Variants in SPATA13 observed in about 807,000 individuals in gnomAD.
The protein encoded by SPATA13 is spermatogenesis associated 13.
SPATA13 carries 50 observed loss-of-function variants against 104.0 expected under a neutral mutation model. That is an observed-to-expected ratio of 0.48 (90% confidence interval 0.38 to 0.61). The LOEUF is 0.61. Ranked by LOEUF, SPATA13 falls within the 20% of genes least tolerant of loss-of-function variation. The pLI is 0.00. For missense variants in SPATA13, 1,524 were observed against 1,690.6 expected, an observed-to-expected ratio of 0.90 and a Z score of 1.73; for synonymous variants, 606 against 667.5, an observed-to-expected ratio of 0.91 and a Z score of 1.42.
In SPATA13 at chr13:24,088,392, T is replaced by A. The variant is rs1343623276; in HGVS notation, c.-112+70691T>A. Among the ~76,000 whole-genome samples, 1 of 152,104 alleles carries A rather than the reference T, an allele frequency of 6.6e-6. No individual in the cohort carries two copies. The highest frequency in any genetic ancestry group is 2.4e-5 in the African/African-American group (1 of 41,416). ...AAGTTCTGAACCCTGCACTCCATGC[T>A]CCAGTGTGGAGCCGCAGTTTCCTTT... On this transcript the variant is annotated intron_variant, in intron 3 of 14. Coordinates refer to the SPATA13 transcript ENST00000424834. This position sits in a 1 kb window ranked among gnomAD's most constrained non-coding sequence, Gnocchi z 4.3.
chr13:24,240,979 G>C (rs1872803955), intron 2 of SPATA13, among the ~76,000 whole-genome samples: 1 of 144,588 alleles, frequency 6.9e-6, no homozygotes, highest in African/African-American at 2.6e-5. Context: ...GGTTATGATA[G>C]TTGCTTCTTT....
intron 4 of SPATA13, among the ~76,000 whole-genome samples, chr13:24,274,053 C>T (rs1400553288): frequency 6.6e-6 from 1 of 152,080 alleles, no homozygotes; most frequent in African/African-American, 2.4e-5. Context: ...GAAAGTTGCT[C>T]CAGGCGGAGA....
chr13:24,237,310 C>CCGAG, intron 2 of SPATA13, among the ~76,000 whole-genome samples: 1 of 152,186 alleles, frequency 6.6e-6, no homozygotes. Flanking sequence ...TTGCAGTGAG[C>CCGAG]CGAGATTGCA....
chr13:23,999,395 T>C (rs986431004), intron 2 of SPATA13, among the ~76,000 whole-genome samples: 22 of 61,372 alleles, frequency 3.6e-4, no homozygotes, highest in African/African-American at 1.2e-3. Flanking sequence ...AAAAAGCCTG[T>C]TCGGATATTG....
chr13:24,293,554 G>A (rs1240650244), intron 9 of SPATA13, among the ~76,000 whole-genome samples: 1 of 152,158 alleles, frequency 6.6e-6, no homozygotes, highest in East Asian at 1.9e-4. Context: ...ATAAAAATTA[G>A]TTGACATGAC....
chr13:24,040,393 A>G (rs974903237), intron 3 of SPATA13, among the ~76,000 whole-genome samples: 3 of 152,186 alleles, frequency 2.0e-5, no homozygotes, highest in East Asian at 1.9e-4. Context: ...GCATCTGTCT[A>G]TATGTTTTTA....
At chr13:24,083,739 T>C (rs1879622579) in intron 3 of SPATA13, among the ~76,000 whole-genome samples, 1 of 152,218 alleles carries the variant, frequency 6.6e-6, no homozygotes, top group African/African-American at 2.4e-5. Context: ...AAGACTGCAC[T>C]TGCTGGTTTG....
At chr13:24,144,303 G>A (rs1033326523) in intron 3 of SPATA13, among the ~76,000 whole-genome samples, 14 of 152,112 alleles carry the variant, frequency 9.2e-5, no homozygotes, top group Admixed American at 2.0e-4. Flanking sequence ...GGGCGAGAGC[G>A]GGTACTCATC....
chr13:24,177,538 G>A (rs1251452163), intron 1 of SPATA13, among the ~76,000 whole-genome samples: 4 of 152,086 alleles, frequency 2.6e-5, no homozygotes, highest in Admixed American at 1.3e-4. Context: ...TAGTTCACTG[G>A]AGCCTCAAAC....
rs74828967 is a variant in SPATA13 at position 24,216,654 on chromosome 13, A to G, written c.-111-6165A>G. ...GGGGGCTTCTTTCTTTTACTAAGGT[A>G]TGTATATTGGGGCTAGGAAGAGGAA... On this transcript the variant is annotated intron_variant, in intron 1 of 12. Coordinates refer to ENST00000382108, the MANE Select transcript of SPATA13 (RefSeq NM_001166271.3). Among the ~76,000 whole-genome samples, 1,268 of 152,294 alleles carry G rather than the reference A, an allele frequency of 8.3e-3. 24 individuals are homozygous for G. The East Asian group carries it at 0.085, about 10-fold the overall frequency.
intron 1 of SPATA13, among the ~76,000 whole-genome samples, chr13:24,182,460 G>A (rs1868872921): frequency 6.6e-6 from 1 of 151,022 alleles, no homozygotes; most frequent in African/African-American, 2.4e-5. Context: ...GGAAGTAGGT[G>A]TGTCACATGA....
chr13:24,067,552 A>G lies in SPATA13; in HGVS notation c.-112+49851A>G, dbSNP rs141371221. ...AAATTCACAGTGATAGAGCTGTAAT[A>G]AATATCAAATTTAAAATCCATTGAG... is the stretch of plus-strand genomic sequence containing the variant. On this transcript the variant is annotated intron_variant, in intron 3 of 14. Transcript: ENST00000424834. Among the ~76,000 whole-genome samples the G allele has an allele frequency of 4.5e-4, 69 of 152,388 alleles. 1 individual carries two copies. In the East Asian group the frequency reaches 0.013, roughly 29 times the overall value.
At chr13:24,090,987 C>A (rs188617986) in intron 3 of SPATA13, among the ~76,000 whole-genome samples, 1 of 152,328 alleles carries the variant, frequency 6.6e-6, no homozygotes, top group Admixed American at 6.5e-5. Context: ...TAAAGTCTGC[C>A]TTTTTTGTCA....
chr13:24,290,338 G>A (rs942279639), intron 8 of SPATA13, among the ~76,000 whole-genome samples: 26 of 152,184 alleles, frequency 1.7e-4, no homozygotes, highest in Non-Finnish European at 2.5e-4. Context: ...GGACGTTAGA[G>A]GCCCTGCTCC....
rs1335556970 is a variant in SPATA13 at position 24,035,514 on chromosome 13, A to G, written c.-112+17813A>G. On this transcript the variant is annotated intron_variant, in intron 3 of 14. Coordinates refer to the SPATA13 transcript ENST00000424834. ...CCATGGAGACTTGGAACAGAATGTT[A>G]GGAGCTTTACAGGCCACAAGGACAG... is the stretch of plus-strand genomic sequence containing the variant. Among the ~76,000 whole-genome samples, 4 of 152,334 alleles carry G rather than the reference A, an allele frequency of 2.6e-5. No homozygotes were observed. The East Asian group carries it at 7.7e-4, about 29-fold the overall frequency.
At chr13:24,189,910 C>CGTAATATATTAT (rs1869489231) in intron 1 of SPATA13, among the ~76,000 whole-genome samples, 1 of 85,312 alleles carries the variant, frequency 1.2e-5, no homozygotes, top group Admixed American at 1.8e-4. Flanking sequence ...AATTATATTA[C>CGTAATATATTAT]ATAATATATA....
intron 1 of SPATA13, among the ~76,000 whole-genome samples, chr13:24,216,268 T>C (rs1333475597): frequency 1.3e-5 from 2 of 152,196 alleles, no homozygotes; most frequent in Admixed American, 1.3e-4. Context: ...GAAGGAAGAT[T>C]TTCCTTTGTG....
At chr13:23,980,142 A>G (rs1207820871) in intron 1 of SPATA13, among the ~76,000 whole-genome samples, 1 of 152,060 alleles carries the variant, frequency 6.6e-6, no homozygotes, top group African/African-American at 2.4e-5. Flanking sequence ...GTGAGCCGAG[A>G]TCGCGCCACT....
At chr13:24,280,745 TTTCCC>T (rs1473962670) in intron 4 of SPATA13, among the ~76,000 whole-genome samples, 8 of 152,038 alleles carry the variant, frequency 5.3e-5, no homozygotes, top group African/African-American at 1.9e-4. Context: ...TTCAGTGTTG[TTTCCC>T]TTGGAGTCTA....
Sources: allele counts gnomAD v4.1 joint callset (sites outside exome capture counted in the v4.1 genomes callset), GRCh38; gene constraint gnomAD v4.1.1; non-coding constraint Gnocchi (gnomAD v3.1); transcripts MANE v1.5; gene names NCBI Gene and HGNC (gene_info 2026-07-23, HGNC 2026-07-21).